PRRC1: variants seen among roughly 807,000 people sequenced by gnomAD.
The protein encoded by PRRC1 is protein PRRC1.
A neutral mutation model predicts 40.7 loss-of-function variants in PRRC1; 39 were observed. That is an observed-to-expected ratio of 0.96 (90% CI 0.74 to 1.25). The LOEUF (loss-of-function observed/expected upper bound fraction) is 1.25. Ranked by LOEUF, PRRC1 falls within the 50% of genes most tolerant of loss-of-function variation. The probability of loss-of-function intolerance (pLI) is 0.00; values close to 1 mark genes in which losing one functional copy is unlikely to be tolerated. For synonymous variants in PRRC1, 175 were observed against 193.3 expected, an observed-to-expected ratio of 0.91 and a Z score of 0.79; for missense variants, 573 against 548.3, an observed-to-expected ratio of 1.05 and a Z score of -0.45.
chr5:127,526,411 C>T (rs1767615138), intron 3 of PRRC1, among the ~76,000 whole-genome samples: 1 of 152,102 alleles, frequency 6.6e-6, no homozygotes, highest in African/African-American at 2.4e-5. Flanking sequence ...TTTCAGGATA[C>T]TTGGTTTAAG....
chr5:127,518,222 G>T (rs1239648989), intron 1 of PRRC1, among the ~76,000 whole-genome samples: 1 of 152,212 alleles, frequency 6.6e-6, no homozygotes, highest in Non-Finnish European at 1.5e-5. Context: ...TCCTGAAACA[G>T]GATTTCGGCC....
chr5:127,551,811 T>C lies in PRRC1; in HGVS notation c.1233T>C (p.Asp411=), dbSNP rs1222913153. The C allele has an allele frequency of 6.2e-7, 1 of 1,614,018 alleles. No individual in the cohort carries two copies. Among genetic ancestry groups the C allele is most frequent in the African/African-American group, 1.3e-5 (1 of 74,924 alleles). The change falls in exon 9 of 9, where the codon GAT becomes GAC. Residue 411 remains aspartate, a synonymous_variant. Coordinates refer to ENST00000296666, the MANE Select transcript of PRRC1 (RefSeq NM_130809.5). The part of the protein sequence containing the change: ...EKSLLNVSRT[D]WHMAFTGMSR... Reference sequence around the variant, plus strand: ...GTTTACTGAATGTCAGCCGGACTGATTGGCACATGGCATTTACTGGGATGT... The same window carrying C: ...GTTTACTGAATGTCAGCCGGACTGACTGGCACATGGCATTTACTGGGATGT...
rs866735945 is a variant in PRRC1 at position 127,551,723 on chromosome 5, C to A, written c.1145C>A (p.Pro382His). ...EFVQQAQSLT[P>H]QDYNLRWSGL... ...TTTCCACAGGCTCAAAGTCTAACTC[C>A]CCAGGACTATAATCTGAGGTGGTCA... is the stretch of plus-strand genomic sequence containing the variant. The change falls in exon 9 of 9, where the codon CCC becomes CAC. Residue 382 changes from proline (P) to histidine (H), a missense_variant. Coordinates refer to ENST00000296666, the MANE Select transcript of PRRC1 (RefSeq NM_130809.5). The A allele has an allele frequency of 2.5e-6, 4 of 1,613,872 alleles. No individual in the cohort carries two copies. The African/African-American group carries it at 5.3e-5, about 22-fold the overall frequency.
chr5:127,528,261 A>T (rs1168622022), intron 4 of PRRC1, among the ~76,000 whole-genome samples: 3 of 152,024 alleles, frequency 2.0e-5, no homozygotes, highest in Non-Finnish European at 2.9e-5. Context: ...AGAAAAGTTC[A>T]ATTTCAGGAG....
chr5:127,524,758 C>A lies in PRRC1; in HGVS notation c.331C>A (p.Pro111Thr), dbSNP rs768332093. 4.3e-6 allele frequency: 7 copies of A among 1,614,168 alleles called. No homozygotes were observed. In the East Asian group the frequency reaches 6.7e-5, roughly 15 times the overall value. Residue 111 changes from proline to threonine, a missense_variant, in exon 3 of 9, where the codon CCA (proline) becomes ACA (threonine). Pro to Thr is a conservative substitution (Grantham distance 38). Transcript: ENST00000296666. ...AFGNPPVSHF[P>T]PSTSAPNTLL... ...CGGTAATCCTCCTGTATCTCACTTC[C>A]CACCTTCAACTTCTGCCCCAAACAC...
In PRRC1 at chr5:127,536,660, T is replaced by C. The variant is rs181813120; in HGVS notation, c.922-2380T>C. On this transcript the variant is annotated intron_variant, in intron 6 of 8. Transcript: ENST00000296666. Reference sequence around the variant, plus strand: ...TGTGAAGCATTGTATAAATGTGATATGGAAGTTGGTAACCTTATTTGATGG... The same window carrying C: ...TGTGAAGCATTGTATAAATGTGATACGGAAGTTGGTAACCTTATTTGATGG... 9.2e-4 allele frequency among the ~76,000 whole-genome samples: 140 copies of C among 152,200 alleles called. 1 individual carries two copies. The highest frequency in any genetic ancestry group is 3.4e-3 in the Middle Eastern group (1 of 294).
chr5:127,521,162 T>C (rs1256001078), intron 1 of PRRC1, among the ~76,000 whole-genome samples: 2 of 152,226 alleles, frequency 1.3e-5, no homozygotes, highest in Non-Finnish European at 2.9e-5. Context: ...TTCTTCATTT[T>C]AAAGTTTAAA....
At chr5:127,542,082 C>A (rs183804417) in intron 7 of PRRC1, among the ~76,000 whole-genome samples, 2,775 of 152,128 alleles carry the variant, frequency 0.018, 137 homozygotes, top group Admixed American at 0.11. Context: ...TGTCTTTGTT[C>A]TCGTTGGTTT....
At chr5:127,536,200 A>G (rs1283668526) in intron 6 of PRRC1, among the ~76,000 whole-genome samples, 1 of 152,062 alleles carries the variant, frequency 6.6e-6, no homozygotes, top group Admixed American at 6.6e-5. Context: ...CCTAGTATAC[A>G]TTGCCAATAA....
At chr5:127,532,160 G>A (rs1767791618) in intron 5 of PRRC1, among the ~76,000 whole-genome samples, 1 of 150,918 alleles carries the variant, frequency 6.6e-6, no homozygotes, top group African/African-American at 2.4e-5. Flanking sequence ...CCAGGCTGGA[G>A]TGCAGTGGTG....
intron 7 of PRRC1, among the ~76,000 whole-genome samples, chr5:127,544,731 G>T (rs1290985144): frequency 6.6e-6 from 1 of 152,194 alleles, no homozygotes; most frequent in African/African-American, 2.4e-5. Context: ...AAGCCTGTTG[G>T]AAAAGCACAG....
Position 127,554,946 on chromosome 5 carries a change from A to C in PRRC1, c.*3030A>C, listed in dbSNP as rs1768487357. 6.6e-6 allele frequency: 1 copy of C among 152,660 alleles called. No homozygotes were observed. The highest frequency in any genetic ancestry group is 1.5e-5 in the Non-Finnish European group (1 of 68,034). 9.5% of individuals were successfully genotyped at this position (152,660 alleles called of 1,614,324 possible). A position where few individuals can be genotyped will look rare whatever the true frequency, so the allele number is the denominator to read the frequency against. ...CTATGTTCTAAAAGTTGGGCTATACATAAATTATTAAGAAATATGGATTTT... is the reference window on the plus strand; with the variant it reads ...CTATGTTCTAAAAGTTGGGCTATACCTAAATTATTAAGAAATATGGATTTT... On this transcript the variant is annotated 3_prime_UTR_variant, in exon 9 of 9. Coordinates refer to ENST00000296666, the MANE Select transcript of PRRC1 (RefSeq NM_130809.5).
intron 7 of PRRC1, among the ~76,000 whole-genome samples, chr5:127,545,701 G>A (rs752621459): frequency 1.2e-3 from 177 of 151,524 alleles, no homozygotes; most frequent in Non-Finnish European, 2.3e-3. Flanking sequence ...AATGGGTGCA[G>A]CACACCAGTA....
At chr5:127,551,334 G>T (rs1327353539) in intron 8 of PRRC1, 2 of 228,448 alleles carry the variant, frequency 8.8e-6, no homozygotes, top group Non-Finnish European at 1.7e-5. Context: ...TTTCTGAATG[G>T]ATTTAAGCCT....
At chr5:127,537,177 G>T (rs947466330) in intron 6 of PRRC1, among the ~76,000 whole-genome samples, 5 of 151,716 alleles carry the variant, frequency 3.3e-5, no homozygotes, top group Non-Finnish European at 5.9e-5. Flanking sequence ...ATATCTATAA[G>T]CATTTATGAA....
chr5:127,518,606 G>C (rs371738002), intron 1 of PRRC1, among the ~76,000 whole-genome samples: 1 of 152,098 alleles, frequency 6.6e-6, no homozygotes, highest in African/African-American at 2.4e-5. Flanking sequence ...TCTAACTAGC[G>C]CTCACTGTTT....
At chr5:127,545,033 CAGT>C (rs1170555396) in intron 7 of PRRC1, among the ~76,000 whole-genome samples, 1 of 152,212 alleles carries the variant, frequency 6.6e-6, no homozygotes, top group Non-Finnish European at 1.5e-5. Flanking sequence ...GCTCCTCCCA[CAGT>C]AGCTCACCAT....
Position 127,524,819 on chromosome 5 carries a change from C to A in PRRC1, c.392C>A (p.Ser131Ter). Reference sequence around the variant, plus strand: ...GCACCCCCTTCGGGTCCTCCTATATCAGGATTTTCTGTTGGTTCAACTTAT... The same window carrying A: ...GCACCCCCTTCGGGTCCTCCTATATAAGGATTTTCTGTTGGTTCAACTTAT... ...LPAPPSGPPI[S>*]GFSVGSTYDI... Residue 131 changes from serine to a stop codon, truncating the protein, a stop_gained, in exon 3 of 9, where the codon TCA (serine) becomes TAA (stop). Transcript: ENST00000296666. LOFTEE classifies it high-confidence loss of function. 6.2e-7 allele frequency: 1 copy of A among 1,614,198 alleles called. No homozygotes were observed. Among genetic ancestry groups the A allele is most frequent in the Non-Finnish European group, 8.5e-7 (1 of 1,180,018 alleles).
chr5:127,551,654 C>T, intron 8 of PRRC1, 53 bp from the exon 9 acceptor site: 2 of 1,535,082 alleles, frequency 1.3e-6, no homozygotes, highest in South Asian at 2.3e-5. Flanking sequence ...ATAGCTAGTT[C>T]CAATGATATT....
Sources: gnomAD v4.1 joint callset for allele counts (sites outside exome capture counted in the v4.1 genomes callset) on GRCh38, gnomAD v4.1.1 for gene constraint, MANE v1.5 for transcripts, NCBI Gene and HGNC (gene_info 2026-07-23, HGNC 2026-07-21) for gene names.